Variants in STXBP5 observed in about 807,000 individuals in gnomAD.
STXBP5 encodes the protein syntaxin-binding protein 5.
In STXBP5, 50 loss-of-function variants were observed where a neutral mutation model predicts 152.4. That is an observed-to-expected ratio of 0.33 (90% CI 0.26 to 0.42). The LOEUF is 0.42. Among genes scored for constraint, STXBP5 ranks in the 10% least tolerant of loss-of-function variants. The pLI is 1.00. For missense variants in STXBP5, 1,167 were observed against 1,388.6 expected (o/e 0.84, Z 2.54); for synonymous variants, 492 against 494.7 (o/e 0.99, Z 0.07).
intron 1 of STXBP5, 82 bp from the exon 2 acceptor site, chr6:147,205,889 A>C (rs1032852462): frequency 1.0e-5 from 11 of 1,067,720 alleles, no homozygotes; most frequent in Non-Finnish European, 1.6e-5. Flanking sequence ...AGTGGTTCTA[A>C]ATTCTAACGC....
At chr6:147,259,502 A>C (rs944040558) in intron 4 of STXBP5, among the ~76,000 whole-genome samples, 1 of 152,170 alleles carries the variant, frequency 6.6e-6, no homozygotes, top group Non-Finnish European at 1.5e-5. Context: ...CTAACTGAAC[A>C]TTACCTCTAA....
intron 7 of STXBP5, among the ~76,000 whole-genome samples, 199 bp downstream of exon 7, chr6:147,267,366 A>G (rs189153734): frequency 3.3e-5 from 5 of 152,292 alleles, no homozygotes; most frequent in Admixed American, 3.3e-4. Flanking sequence ...TTGGTTATCT[A>G]GTTTCCTTAC....
At chr6:147,315,380 A>G in intron 14 of STXBP5, 135 bp from the exon 15 acceptor site, 1 of 582,578 alleles carries the variant, frequency 1.7e-6, no homozygotes, top group Non-Finnish European at 3.0e-6. Flanking sequence ...TTAATAGACT[A>G]ACGTAAATTG....
At position 147,204,691 on chromosome 6, in the gene STXBP5, A is replaced by G; in HGVS notation, c.150+9A>G. The G allele has an allele frequency of 1.3e-6, 2 of 1,568,570 alleles. No individual in the cohort carries two copies. Among genetic ancestry groups the G allele is most frequent in the Non-Finnish European group, 1.7e-6 (2 of 1,156,100 alleles). ...ACTTTCAGCTCTGCAAGGTGAACGG[A>G]GCGCGCAGCCCCGCGACACCGTCAT... On this transcript the variant is annotated intron_variant, in intron 1 of 27. Transcript: ENST00000321680. The surrounding 1 kb of genome is among the most constrained non-coding windows in gnomAD (Gnocchi z 4.3).
At chr6:147,366,681 ATAATT>A (rs1785304985) in intron 25 of STXBP5, among the ~76,000 whole-genome samples, 1 of 152,222 alleles carries the variant, frequency 6.6e-6, no homozygotes, top group Non-Finnish European at 1.5e-5. Flanking sequence ...GTAGTCCAGA[ATAATT>A]TCCCCAGAGC....
intron 2 of STXBP5, among the ~76,000 whole-genome samples, chr6:147,222,419 C>T (rs1777505560): frequency 6.6e-6 from 1 of 152,058 alleles, no homozygotes; most frequent in Non-Finnish European, 1.5e-5. Context: ...CATTAGGTGT[C>T]AGTTTTTTAG....
intron 2 of STXBP5, among the ~76,000 whole-genome samples, chr6:147,211,371 A>T (rs1582788015): frequency 6.6e-6 from 1 of 151,750 alleles, no homozygotes; most frequent in South Asian, 2.1e-4. Context: ...TGCTACTTAG[A>T]TGTAATAATA....
Position 147,204,660 on chromosome 6 carries a change from C to G in STXBP5, c.128C>G (p.Ser43Cys), listed in dbSNP as rs1776443509. The G allele has an allele frequency of 1.2e-6, 2 of 1,608,310 alleles. No individual in the cohort carries two copies. The highest frequency in any genetic ancestry group is 1.1e-5 in the South Asian group (1 of 90,720). The change falls in exon 1 of 28, where the codon TCC (serine) becomes TGC (cysteine). Residue 43 changes from serine to cysteine, a missense_variant. Physicochemically the swap from Ser to Cys is moderately radical, Grantham distance 112. Around this residue, in one of 3 missense-constraint regions of STXBP5, gnomAD observed 310 missense variants for 346.1 expected, o/e 0.90. Coordinates refer to ENST00000321680, the MANE Select transcript of STXBP5 (RefSeq NM_001127715.4). This position sits in a 1 kb window ranked among gnomAD's most constrained non-coding sequence, Gnocchi z 4.3. ...REPEIQETLQ[S>C]EHFQLCKTVR... ...CCGGAGATCCAGGAAACGCTCCAGT[C>G]CGAGCACTTTCAGCTCTGCAAGGTG... is the stretch of plus-strand genomic sequence containing the variant.
intron 27 of STXBP5, among the ~76,000 whole-genome samples, chr6:147,383,518 C>T (rs1043088351): frequency 3.3e-5 from 5 of 152,138 alleles, no homozygotes; most frequent in Non-Finnish European, 4.4e-5. Context: ...CAGAAACACA[C>T]GCTGTAAAGT....
At chr6:147,213,434 A>G (rs1660693) in intron 2 of STXBP5, among the ~76,000 whole-genome samples, 5,874 of 85,498 alleles carry the variant, frequency 0.069, 388 homozygotes, top group African/African-American at 0.19. Flanking sequence ...AATTTTATAT[A>G]TGTGTGTGTG....
chr6:147,328,441 T>C (rs985868981), intron 18 of STXBP5, among the ~76,000 whole-genome samples: 9 of 152,226 alleles, frequency 5.9e-5, no homozygotes, highest in Non-Finnish European at 1.3e-4. Flanking sequence ...CTGCAAATCA[T>C]TTTTCAGTTG....
intron 21 of STXBP5, among the ~76,000 whole-genome samples, chr6:147,345,439 A>G (rs1784283311): frequency 6.6e-6 from 1 of 152,152 alleles, no homozygotes. Flanking sequence ...TGCAAACTTG[A>G]GTTTTAATTC....
intron 4 of STXBP5, among the ~76,000 whole-genome samples, chr6:147,251,893 G>A (rs1007105331): frequency 3.3e-5 from 5 of 152,204 alleles, no homozygotes; most frequent in Admixed American, 6.5e-5. Flanking sequence ...GAAGGAACAG[G>A]CAGCAATATT....
rs1776535270 is a variant in STXBP5 at position 147,205,996 on chromosome 6, A to G, written c.176A>G (p.Gln59Arg). The part of the protein sequence containing the change: ...CKTVRHGFPY[Q>R]PSALAFDPVQ... ...ACTGTTCGCCATGGATTTCCCTATC[A>G]ACCCTCAGCCCTGGCCTTTGATCCT... is the stretch of plus-strand genomic sequence containing the variant. Residue 59 changes from glutamine (Q) to arginine (R), a missense_variant, in exon 2 of 28, where the codon CAA becomes CGA. By Grantham distance (43) the Gln-to-Arg change is conservative (BLOSUM62 1). Coordinates refer to ENST00000321680, the MANE Select transcript of STXBP5 (RefSeq NM_001127715.4). The G allele has an allele frequency of 6.2e-7, 1 of 1,614,000 alleles. No individual in the cohort carries two copies.
At chr6:147,314,113 A>G in intron 12 of STXBP5, 82 bp downstream of exon 12, 2 of 1,503,170 alleles carry the variant, frequency 1.3e-6, no homozygotes, top group African/African-American at 1.4e-5. Context: ...TGATAACATT[A>G]TACCTTTTCT....
rs981277028 is a variant in STXBP5, at chr6:147,339,168, C to T, written c.2147-11C>T. The T allele has an allele frequency of 3.3e-6, 5 of 1,533,386 alleles. No individual in the cohort carries two copies. The Admixed American group carries it at 6.3e-5, about 19-fold the overall frequency. The allele number at this position is 1,533,386 out of a possible 1,614,324, so 95.0% of individuals were successfully genotyped here. A position where few individuals can be genotyped will look rare whatever the true frequency, so the allele number is the denominator to read the frequency against. On this transcript the variant is annotated splice_polypyrimidine_tract_variant and intron_variant, in intron 19 of 27. Transcript: ENST00000321680. The stretch of plus-strand genomic sequence containing the variant: ...ATCTACCTATTCCTTCCGTTGTCTT[C>T]ATTTGTGTAGGTTCTTCATCACCAC...
Position 147,262,288 on chromosome 6 carries a change from A to T in STXBP5, c.567-2A>T. 2 of 1,543,456 alleles carry T rather than the reference A, an allele frequency of 1.3e-6. No individual in the cohort carries two copies. Among genetic ancestry groups the T allele is most frequent in the Admixed American group, 2.1e-5 (1 of 46,956 alleles). ...AAATCTTACTAACTTTTTCTTTTTT[A>T]GGTCATCTAAATCTCACCCAGGACC... On this transcript the variant is annotated splice_acceptor_variant, in intron 5 of 27. Coordinates refer to ENST00000321680, the MANE Select transcript of STXBP5 (RefSeq NM_001127715.4). LOFTEE classifies it high-confidence loss of function.
At chr6:147,364,577 A>C (rs543584559) in intron 25 of STXBP5, among the ~76,000 whole-genome samples, 1 of 152,342 alleles carries the variant, frequency 6.6e-6, no homozygotes, top group Non-Finnish European at 1.5e-5. Context: ...GGATATTTAC[A>C]CAGAAGAAAA....
chr6:147,314,180 TTTAC>T, intron 12 of STXBP5, 80 bp from the exon 13 acceptor site: 3 of 1,287,248 alleles, frequency 2.3e-6, no homozygotes, highest in Non-Finnish European at 3.2e-6. Context: ...CACTGGATTA[TTTAC>T]ACACACACAC....
Sources: allele counts gnomAD v4.1 joint callset (sites outside exome capture counted in the v4.1 genomes callset), GRCh38; gene constraint gnomAD v4.1.1; regional missense constraint gnomAD v4.1.1; non-coding constraint Gnocchi (gnomAD v3.1); transcripts MANE v1.5; gene names NCBI Gene and HGNC (gene_info 2026-07-23, HGNC 2026-07-21).